Variants in COX4I1 observed in about 807,000 individuals in gnomAD.
COX4I1 encodes the protein cytochrome c oxidase subunit 4I1.
In COX4I1, 18 loss-of-function variants were observed where a neutral mutation model predicts 21.7. The ratio of observed to expected loss-of-function variants is 0.83; its 90% CI spans 0.57 to 1.23. The LOEUF (loss-of-function observed/expected upper bound fraction) is 1.23, where lower values mean the gene tolerates loss of function less well. Among genes scored for constraint, COX4I1 ranks in the 50% most tolerant of loss-of-function variants. COX4I1 has a pLI of 0.00. For synonymous variants in COX4I1, 100 were observed against 81.5 expected, an observed-to-expected ratio of 1.23 and a Z score of -1.23; for missense variants, 238 against 220.7, an observed-to-expected ratio of 1.08 and a Z score of -0.50.
At chr16:85,805,988 CATCTCAGGATTGTT>C in intron 4 of COX4I1, 124 bp downstream of exon 4, 2 of 1,359,820 alleles carry the variant, frequency 1.5e-6, no homozygotes, top group Non-Finnish European at 2.0e-6. Flanking sequence ...TTCCAGAGTT[CATCTCAGGATTGTT>C]TCCAGGCCTT....
rs141857699 is a variant in COX4I1 at position 85,804,654 on chromosome 16, C to T, written c.74-283C>T. 1,018 of 285,146 alleles carry T rather than the reference C, an allele frequency of 3.6e-3. 15 individuals are homozygous for T. The highest frequency in any genetic ancestry group is 0.021 in the African/African-American group (932 of 45,370). 17.7% of individuals were successfully genotyped at this position (285,146 alleles called of 1,614,324 possible). A position where few individuals can be genotyped will look rare whatever the true frequency, so the allele number is the denominator to read the frequency against. ...TACAGGTGTGAGCCACCGCGCCCAGCCCTGCAGGTAACTGTTAATGTAGGA... is the reference window on the plus strand; with the variant it reads ...TACAGGTGTGAGCCACCGCGCCCAGTCCTGCAGGTAACTGTTAATGTAGGA... On this transcript the variant is annotated intron_variant, in intron 2 of 4. Coordinates refer to ENST00000253452, the MANE Select transcript of COX4I1 (RefSeq NM_001861.6).
At chr16:85,805,617 T>G in intron 3 of COX4I1, 116 bp from the exon 4 acceptor site, 1 of 1,488,344 alleles carries the variant, frequency 6.7e-7, no homozygotes. Flanking sequence ...TGGTGTATCC[T>G]TCAGCTCTGT....
At chr16:85,800,119 G>T (rs548484117) in intron 1 of COX4I1, among the ~76,000 whole-genome samples, 1 of 152,194 alleles carries the variant, frequency 6.6e-6, no homozygotes, top group African/African-American at 2.4e-5. Context: ...AACCCCTCCC[G>T]GGTTTTGCGG....
chr16:85,805,773 CAG>C lies in COX4I1; in HGVS notation c.283_284del (p.Arg95GlyfsTer39), dbSNP rs1567844341. 1.2e-6 allele frequency: 2 copies of C among 1,614,232 alleles called. No homozygotes were observed. The highest frequency in any genetic ancestry group is 1.3e-5 in the African/African-American group (1 of 75,056). On this transcript the variant is annotated frameshift_variant, in exon 4 of 5. Transcript: ENST00000253452. LOFTEE classifies it high-confidence loss of function. Reference protein sequence around the residue: ...KFKESFAEMNRGSNEWKTVVG... With the variant: ...KFKESFAEMNXGSNEWKTVVG... ...TCAAGGAGAGCTTTGCTGAGATGAACAGGGGCTCGAACGAGTGGAAGACGGTT... is the reference window on the plus strand; with the variant it reads ...TCAAGGAGAGCTTTGCTGAGATGAACGGGCTCGAACGAGTGGAAGACGGTT...
rs770133953 is a variant in COX4I1, at chr16:85,806,788, A to T, written c.424A>T (p.Thr142Ser). 1 of 1,614,222 alleles carries T rather than the reference A, an allele frequency of 6.2e-7. No individual in the cohort carries two copies. Among genetic ancestry groups the T allele is most frequent in the Admixed American group, 1.7e-5 (1 of 60,032 alleles). ...TGACAAAGAGTGGGTGGCCAAGCAG[A>T]CCAAGAGGATGCTGGACATGAAGGT... ...SFDKEWVAKQ[T>S]KRMLDMKVNP... The change falls in exon 5 of 5, where the codon ACC becomes TCC. Residue 142 changes from threonine (T) to serine (S), a missense_variant. Physicochemically the swap from Thr to Ser is moderately conservative, Grantham distance 58. Coordinates refer to ENST00000253452, the MANE Select transcript of COX4I1 (RefSeq NM_001861.6).
chr16:85,805,609 G>A (rs147512107), intron 3 of COX4I1, 124 bp from the exon 4 acceptor site: 8 of 1,425,972 alleles, frequency 5.6e-6, no homozygotes, highest in Middle Eastern at 1.8e-4. Flanking sequence ...GCCTGGGTTG[G>A]TGTATCCTTC....
intron 4 of COX4I1, 81 bp from the exon 5 acceptor site, chr16:85,806,657 G>C: frequency 6.2e-7 from 1 of 1,611,518 alleles, no homozygotes; most frequent in Non-Finnish European, 8.5e-7. Flanking sequence ...GGTGTGTCGG[G>C]AGGATTTAAC....
intron 2 of COX4I1, chr16:85,803,168 AT>A (rs1315380644): frequency 1.3e-5 from 2 of 152,226 alleles, no homozygotes; most frequent in East Asian, 3.8e-4. Flanking sequence ...CTTGATAAAA[AT>A]ATTCAGTATA....
chr16:85,801,861 G>A (rs988936430), intron 2 of COX4I1, among the ~76,000 whole-genome samples: 1 of 152,152 alleles, frequency 6.6e-6, no homozygotes, highest in African/African-American at 2.4e-5. Flanking sequence ...TAGGCACCGA[G>A]AAGAAAAAGA....
chr16:85,805,718 C>T lies in COX4I1; in HGVS notation c.242-15C>T. ...GACCTTTGTGCCTGTAAATGGCTGT[C>T]CTCTCTGCCCCCAGTGTATCGCATT... On this transcript the variant is annotated splice_polypyrimidine_tract_variant and intron_variant, in intron 3 of 4. Coordinates refer to ENST00000253452, the MANE Select transcript of COX4I1 (RefSeq NM_001861.6). The T allele has an allele frequency of 6.2e-7, 1 of 1,613,444 alleles. No homozygotes were observed. Among genetic ancestry groups the T allele is most frequent in the South Asian group, 1.1e-5 (1 of 91,074 alleles).
chr16:85,806,785 C>G lies in COX4I1; in HGVS notation c.421C>G (p.Gln141Glu), dbSNP rs777096470. ...QSFDKEWVAK[Q>E]TKRMLDMKVN... ...CTTTGACAAAGAGTGGGTGGCCAAGCAGACCAAGAGGATGCTGGACATGAA... is the reference window on the plus strand; with the variant it reads ...CTTTGACAAAGAGTGGGTGGCCAAGGAGACCAAGAGGATGCTGGACATGAA... Residue 141 changes from glutamine (Q) to glutamate (E), a missense_variant, in exon 5 of 5, where the codon CAG becomes GAG. Coordinates refer to ENST00000253452, the MANE Select transcript of COX4I1 (RefSeq NM_001861.6). The G allele has an allele frequency of 6.2e-7, 1 of 1,614,212 alleles. No homozygotes were observed. Among genetic ancestry groups the G allele is most frequent in the Non-Finnish European group, 8.5e-7 (1 of 1,180,042 alleles).
rs1906069092 is a variant in COX4I1 at position 85,805,013 on chromosome 16, C to A, written c.150C>A (p.Ala50=). 5.0e-6 allele frequency: 8 copies of A among 1,614,118 alleles called. No individual in the cohort carries two copies. Among genetic ancestry groups the A allele is most frequent in the Non-Finnish European group, 5.9e-6 (7 of 1,180,016 alleles). Reference sequence around the variant, plus strand: ...GTGACCACCCCTTGCCGGAGGTGGCCCATGTCAAGCACCTGTCTGCCAGCC... The same window carrying A: ...GTGACCACCCCTTGCCGGAGGTGGCACATGTCAAGCACCTGTCTGCCAGCC... ...DRRDHPLPEV[A]HVKHLSASQK... is the part of the protein sequence containing the mutation. Residue 50 remains alanine, a synonymous_variant, in exon 3 of 5, where the codon GCC becomes GCA. Transcript: ENST00000253452.
chr16:85,802,506 A>T (rs2641795), intron 2 of COX4I1, among the ~76,000 whole-genome samples: 148,536 of 152,344 alleles, frequency 0.98, 72,516 homozygotes, highest in Middle Eastern at 1. Flanking sequence ...CTGTTAAGTT[A>T]TAACTTACGT....
At chr16:85,801,981 G>A (rs566845938) in intron 2 of COX4I1, among the ~76,000 whole-genome samples, 68 of 152,278 alleles carry the variant, frequency 4.5e-4, no homozygotes, top group African/African-American at 1.4e-3. Flanking sequence ...CATTTAGCCC[G>A]ATGTGGGTTT....
At chr16:85,800,262 G>A (rs908109707) in intron 1 of COX4I1, among the ~76,000 whole-genome samples, 1 of 152,256 alleles carries the variant, frequency 6.6e-6, no homozygotes, top group Non-Finnish European at 1.5e-5. Context: ...CTGCCCCAAG[G>A]AGGGTATTTC....
intron 4 of COX4I1, 73 bp downstream of exon 4, chr16:85,805,937 C>T (rs2641797): frequency 1.9e-6 from 3 of 1,599,588 alleles, no homozygotes; most frequent in Non-Finnish European, 2.6e-6. Context: ...GGTGGGCTGT[C>T]GGGGACCTCC....
rs536256121 is a variant in COX4I1 at position 85,803,020 on chromosome 16, G to C, written c.73+1742G>C. The C allele has an allele frequency of 1.9e-4, 29 of 152,266 alleles. No individual in the cohort carries two copies. In the East Asian group the frequency reaches 3.3e-3, roughly 17 times the overall value. 9.4% of individuals were successfully genotyped at this position (152,266 alleles called of 1,614,324 possible). A position where few individuals can be genotyped will look rare whatever the true frequency, so the allele number is the denominator to read the frequency against. ...AAAGTGTATGCTCCAGTGGTTTTTAGTATATTCATTGAGTTTTGTCATTAG... is the reference window on the plus strand; with the variant it reads ...AAAGTGTATGCTCCAGTGGTTTTTACTATATTCATTGAGTTTTGTCATTAG... On this transcript the variant is annotated intron_variant, in intron 2 of 4. Transcript: ENST00000253452.
At chr16:85,804,268 C>G (rs961538503) in intron 2 of COX4I1, 6 of 152,280 alleles carry the variant, frequency 3.9e-5, no homozygotes, top group Non-Finnish European at 7.3e-5. Flanking sequence ...TAGTTTGAGT[C>G]CCTTGCAGAT....
At chr16:85,801,170 T>A in intron 1 of COX4I1, 35 bp from the exon 2 acceptor site, 1 of 1,560,760 alleles carries the variant, frequency 6.4e-7, no homozygotes, top group South Asian at 1.1e-5. Context: ...TGTTTGTCCT[T>A]ATTCATAGAG....
Sources: allele counts gnomAD v4.1 joint callset (sites outside exome capture counted in the v4.1 genomes callset), GRCh38; gene constraint gnomAD v4.1.1; transcripts MANE v1.5; gene names NCBI Gene and HGNC (gene_info 2026-07-23, HGNC 2026-07-21).